BRI3BP: variants seen among roughly 807,000 people sequenced by gnomAD.
BRI3BP encodes the protein BRI3 binding protein.
Under a neutral mutation model 15.8 loss-of-function variants are expected in BRI3BP, and 7 were observed. The observed-to-expected ratio is 0.44, with a 90% CI of 0.25 to 0.83. The LOEUF is 0.83. Ranked by LOEUF, BRI3BP falls within the 40% of genes least tolerant of loss-of-function variation. BRI3BP has a pLI of 0.20. For synonymous variants in BRI3BP, 192 were observed against 163.5 expected, an observed-to-expected ratio of 1.17 and a Z score of -1.33; for missense variants, 320 against 339.3, an observed-to-expected ratio of 0.94 and a Z score of 0.45.
At chr12:125,035,841 A>G (rs1012759081), downstream of BRI3BP, among the ~76,000 whole-genome samples, 4 of 152,188 alleles carry the variant, frequency 2.6e-5, no homozygotes, top group African/African-American at 4.8e-5. Flanking sequence ...CAGAATTTCA[A>G]TAAACAGCTT....
intron 1 of BRI3BP, among the ~76,000 whole-genome samples, chr12:125,002,609 A>G (rs1260108200): frequency 6.6e-6 from 1 of 151,974 alleles, no homozygotes; most frequent in Non-Finnish European, 1.5e-5. Flanking sequence ...GGCACCCGCC[A>G]CCACGCCCAG....
chr12:125,012,640 G>C lies in BRI3BP; in HGVS notation c.316+4G>C. On this transcript the variant is annotated splice_donor_region_variant and intron_variant, in intron 2 of 2. Transcript: ENST00000341446. ...TTGGATGTTCTTGGACTTGACGGTA[G>C]GTGTAGGGGTGGCATTCACGTAAGG... The C allele has an allele frequency of 6.3e-7, 1 of 1,585,198 alleles. No homozygotes were observed. The highest frequency in any genetic ancestry group is 8.7e-7 in the Non-Finnish European group (1 of 1,153,806).
rs571454208 is a variant in BRI3BP, at chr12:125,006,764, G to T, written c.214-5770G>T. Among the ~76,000 whole-genome samples the T allele has an allele frequency of 1.6e-3, 242 of 152,322 alleles. 6 individuals are homozygous for T. The South Asian group carries it at 0.018, about 11-fold the overall frequency. Reference sequence around the variant, plus strand: ...AACTGAGGCACAGAGAGGTTCAACAGTGTGAGCAGGAAAGTCTCTTCCTCC... The same window carrying T: ...AACTGAGGCACAGAGAGGTTCAACATTGTGAGCAGGAAAGTCTCTTCCTCC... On this transcript the variant is annotated intron_variant, in intron 1 of 2. Transcript: ENST00000341446.
At chr12:125,011,940 C>G (rs1955200307) in intron 1 of BRI3BP, among the ~76,000 whole-genome samples, 1 of 152,134 alleles carries the variant, frequency 6.6e-6, no homozygotes, top group South Asian at 2.1e-4. Context: ...CCTATAATCC[C>G]AGGACTTTGG....
At chr12:125,012,267 C>T (rs1337972098) in intron 1 of BRI3BP, among the ~76,000 whole-genome samples, 3 of 152,168 alleles carry the variant, frequency 2.0e-5, no homozygotes, top group East Asian at 1.9e-4. Context: ...AGCGGCGTAA[C>T]GCGGCCCTGC....
chr12:125,045,517 A>G, the BRI3BP span, among the ~76,000 whole-genome samples: 1 of 152,094 alleles, frequency 6.6e-6, no homozygotes, highest in Non-Finnish European at 1.5e-5. Flanking sequence ...TATTTTTAGT[A>G]GAGACGGGGT....
At chr12:125,039,787 A>C in the BRI3BP span, among the ~76,000 whole-genome samples, 2 of 152,176 alleles carry the variant, frequency 1.3e-5, no homozygotes, top group African/African-American at 2.4e-5. Context: ...CTCCAGTTAC[A>C]TAAAATACTA....
intron 2 of BRI3BP, among the ~76,000 whole-genome samples, chr12:125,017,494 A>G (rs1441074009): frequency 6.6e-6 from 1 of 152,238 alleles, no homozygotes; most frequent in Non-Finnish European, 1.5e-5. Flanking sequence ...AACCCAATAT[A>G]TTAAAAACAA....
At chr12:125,006,087 C>G (rs901115634) in intron 1 of BRI3BP, among the ~76,000 whole-genome samples, 2 of 152,110 alleles carry the variant, frequency 1.3e-5, no homozygotes, top group African/African-American at 4.8e-5. Flanking sequence ...CATAAGGACA[C>G]CAGTCGCATC....
the BRI3BP span, among the ~76,000 whole-genome samples, chr12:125,042,064 A>G: frequency 6.6e-6 from 1 of 152,268 alleles, no homozygotes; most frequent in Admixed American, 6.5e-5. Context: ...CTGAATGGCT[A>G]CATAATATCC....
At chr12:124,998,366 A>G (rs569151601) in intron 1 of BRI3BP, among the ~76,000 whole-genome samples, 9 of 152,186 alleles carry the variant, frequency 5.9e-5, no homozygotes, top group Non-Finnish European at 1.2e-4. Context: ...GAAATGTCCC[A>G]AATGTCTTAT....
At chr12:125,005,866 G>T (rs550777623) in intron 1 of BRI3BP, among the ~76,000 whole-genome samples, 4 of 151,884 alleles carry the variant, frequency 2.6e-5, no homozygotes, top group African/African-American at 9.7e-5. Context: ...TTTGGGCTTC[G>T]CTGTAAGCTC....
chr12:125,035,672 C>T (rs1454242864), downstream of BRI3BP, among the ~76,000 whole-genome samples: 7 of 152,094 alleles, frequency 4.6e-5, no homozygotes, highest in Non-Finnish European at 1.5e-5. Flanking sequence ...AGGTGTGAGC[C>T]GCCATGCCTG....
At chr12:125,000,308 ATTTTT>A (rs35803183) in intron 1 of BRI3BP, among the ~76,000 whole-genome samples, 2 of 92,056 alleles carry the variant, frequency 2.2e-5, no homozygotes, top group Non-Finnish European at 2.1e-5. Context: ...GTTTCATATG[ATTTTT>A]TTTTTTTTTT....
At chr12:125,031,400 A>T (rs923288497), downstream of BRI3BP, among the ~76,000 whole-genome samples, 1 of 152,050 alleles carries the variant, frequency 6.6e-6, no homozygotes, top group African/African-American at 2.4e-5. Context: ...AACAACCAGT[A>T]GTGTTTTAGT....
At chr12:125,003,956 AACACACACACACACAC>A (rs202194939) in intron 1 of BRI3BP, among the ~76,000 whole-genome samples, 12 of 38,154 alleles carry the variant, frequency 3.1e-4, no homozygotes, top group African/African-American at 6.7e-4. Flanking sequence ...CCATCTCAAA[AACACACACACACACAC>A]ACACACACAC....
At chr12:125,012,481 G>C in intron 1 of BRI3BP, 53 bp from the exon 2 acceptor site, 1 of 1,438,584 alleles carries the variant, frequency 7.0e-7, no homozygotes, top group Non-Finnish European at 9.8e-7. Flanking sequence ...TTCACTGCTT[G>C]ACTGATGGAG....
intron 1 of BRI3BP, among the ~76,000 whole-genome samples, chr12:125,005,534 C>T (rs888401717): frequency 1.3e-5 from 2 of 151,850 alleles, no homozygotes; most frequent in Admixed American, 6.6e-5. Context: ...TTTGGGAGGC[C>T]GAGGCGGGCA....
At chr12:125,047,806 C>T in the BRI3BP span, among the ~76,000 whole-genome samples, 2 of 152,038 alleles carry the variant, frequency 1.3e-5, no homozygotes, top group Admixed American at 1.3e-4. Flanking sequence ...AAGTGATTCT[C>T]CTGCCTCAGC....
Sources: gnomAD v4.1 joint callset for allele counts (sites outside exome capture counted in the v4.1 genomes callset) on GRCh38, gnomAD v4.1.1 for gene constraint, MANE v1.5 for transcripts, NCBI Gene and HGNC (gene_info 2026-07-23, HGNC 2026-07-21) for gene names.